Variants in NRXN3 observed in about 807,000 individuals in gnomAD.
NRXN3 encodes neurexin 3.
Under a neutral mutation model 137.6 loss-of-function variants are expected in NRXN3, and 32 were observed. The observed-to-expected ratio is 0.23, with a 90% CI of 0.18 to 0.31. The LOEUF (loss-of-function observed/expected upper bound fraction) is 0.31. NRXN3 is among the 10% of genes least tolerant of loss of function. NRXN3 has a pLI of 1.00. For missense variants in NRXN3, 1,574 were observed against 2,062.5 expected, an observed-to-expected ratio of 0.76 and a Z score of 4.59; for synonymous variants, 798 against 784.5, an observed-to-expected ratio of 1.02 and a Z score of -0.29.
chr14:79,047,428 T>C (rs1035887775), intron 15 of NRXN3, among the ~76,000 whole-genome samples: 1 of 152,066 alleles, frequency 6.6e-6, no homozygotes, highest in Non-Finnish European at 1.5e-5. Context: ...AAAGAAAGTA[T>C]CAATAGATTC....
intron 4 of NRXN3, among the ~76,000 whole-genome samples, chr14:78,427,211 T>C (rs929641909): frequency 1.8e-4 from 27 of 152,230 alleles, no homozygotes; most frequent in African/African-American, 5.8e-4. Context: ...TTCAGTTATC[T>C]CACTTTCTTT....
At chr14:78,498,569 T>C (rs1313940648) in intron 4 of NRXN3, among the ~76,000 whole-genome samples, 1 of 152,112 alleles carries the variant, frequency 6.6e-6, no homozygotes, top group Non-Finnish European at 1.5e-5. Flanking sequence ...GGATAATAAA[T>C]GTTTGGCTTA....
At chr14:79,155,040 T>C (rs560654803) in intron 15 of NRXN3, among the ~76,000 whole-genome samples, 5 of 151,932 alleles carry the variant, frequency 3.3e-5, no homozygotes, top group African/African-American at 9.6e-5. Context: ...ACTCAAGAGG[T>C]TGTGGCATCC....
At chr14:78,556,737 C>T (rs978910511) in intron 4 of NRXN3, among the ~76,000 whole-genome samples, 2 of 152,116 alleles carry the variant, frequency 1.3e-5, no homozygotes, top group Non-Finnish European at 2.9e-5. Context: ...CTTTAAGCTC[C>T]ACTGAATTAA....
chr14:79,473,894 G>A (rs1188821566), intron 16 of NRXN3, among the ~76,000 whole-genome samples: 1 of 148,804 alleles, frequency 6.7e-6, no homozygotes, highest in African/African-American at 2.5e-5. Flanking sequence ...GGAGAAGAAG[G>A]TGGGAGAAGG....
chr14:79,457,350 C>A (rs1203802478), intron 15 of NRXN3, among the ~76,000 whole-genome samples: 1 of 152,144 alleles, frequency 6.6e-6, no homozygotes, highest in South Asian at 2.1e-4. Flanking sequence ...AATGGCAATA[C>A]TAAACTATTT....
In NRXN3 at chr14:79,604,143, G is replaced by A. The variant is rs149497568; in HGVS notation, c.3445-59635G>A. Among the ~76,000 whole-genome samples, 2,383 of 150,996 alleles carry A rather than the reference G, an allele frequency of 0.016. 174 individuals are homozygous for A. In the East Asian group the frequency reaches 0.25, roughly 16 times the overall value. On this transcript the variant is annotated intron_variant, in intron 16 of 20. Transcript: ENST00000335750. Reference sequence around the variant, plus strand: ...CCTGACTTCATGATCTGCCCGCCTCGGCCTCCCAAGGTGCTGGGATTACAA... The same window carrying A: ...CCTGACTTCATGATCTGCCCGCCTCAGCCTCCCAAGGTGCTGGGATTACAA...
intron 16 of NRXN3, among the ~76,000 whole-genome samples, chr14:79,518,430 T>C (rs1362268634): frequency 6.6e-6 from 1 of 152,140 alleles, no homozygotes; most frequent in Admixed American, 6.6e-5. Context: ...TCTCATATTT[T>C]GTTAGGTTTA....
chr14:79,389,317 A>T (rs1284789072), intron 15 of NRXN3, among the ~76,000 whole-genome samples: 1 of 152,196 alleles, frequency 6.6e-6, no homozygotes, highest in Non-Finnish European at 1.5e-5. Context: ...TGAAAGGTGG[A>T]AAACAAGAGA....
At chr14:79,301,865 C>T (rs1445469673) in intron 15 of NRXN3, among the ~76,000 whole-genome samples, 1 of 151,800 alleles carries the variant, frequency 6.6e-6, no homozygotes, top group Non-Finnish European at 1.5e-5. Context: ...AATAGGGAAA[C>T]TGAGATGTAT....
At position 79,210,056 on chromosome 14, in the gene NRXN3, T is replaced by C. The variant is rs546990575; in HGVS notation, c.3262+221915T>C. 7.9e-4 allele frequency among the ~76,000 whole-genome samples: 121 copies of C among 152,308 alleles called. 1 individual carries two copies. Among genetic ancestry groups the C allele is most frequent in the African/African-American group, 2.8e-3 (116 of 41,588 alleles). ...CCCTGTGAGTTGCTATTTAATGGTGTTGGACAGTTACAGATAAGTTTGGTA... is the reference window on the plus strand; with the variant it reads ...CCCTGTGAGTTGCTATTTAATGGTGCTGGACAGTTACAGATAAGTTTGGTA... On this transcript the variant is annotated intron_variant, in intron 15 of 20. Transcript: ENST00000335750.
chr14:79,531,981 G>C (rs1477553309), intron 16 of NRXN3, among the ~76,000 whole-genome samples: 2 of 152,144 alleles, frequency 1.3e-5, no homozygotes, highest in African/African-American at 4.8e-5. Flanking sequence ...CACCTTTATT[G>C]CTGTTAGATT....
intron 15 of NRXN3, among the ~76,000 whole-genome samples, chr14:79,412,791 A>AAAAAG (rs963549596): frequency 6.6e-6 from 1 of 150,432 alleles, no homozygotes; most frequent in African/African-American, 2.4e-5. Flanking sequence ...TCAAAAAAAA[A>AAAAAG]AAAAAAAAAA....
intron 10 of NRXN3, among the ~76,000 whole-genome samples, chr14:78,934,617 C>A (rs904866013): frequency 4.6e-5 from 7 of 152,028 alleles, no homozygotes; most frequent in African/African-American, 1.7e-4. Flanking sequence ...CCAAGGGCAC[C>A]ATTTAAGAAG....
At chr14:79,337,032 C>T (rs1313455798) in intron 15 of NRXN3, among the ~76,000 whole-genome samples, 1 of 152,160 alleles carries the variant, frequency 6.6e-6, no homozygotes, top group Non-Finnish European at 1.5e-5. Flanking sequence ...TCACCTATTT[C>T]TTGAAAAATG....
At chr14:79,708,644 C>G (rs2098790899) in intron 19 of NRXN3, among the ~76,000 whole-genome samples, 1 of 152,094 alleles carries the variant, frequency 6.6e-6, no homozygotes, top group Admixed American at 6.6e-5. Context: ...GATGTGGTTT[C>G]ATACCTTTCT....
chr14:79,757,476 A>AT (rs1176632802), intron 19 of NRXN3, among the ~76,000 whole-genome samples: 1 of 152,160 alleles, frequency 6.6e-6, no homozygotes, highest in Non-Finnish European at 1.5e-5. Context: ...TGGTGATATT[A>AT]TATCTGGTGA....
At chr14:78,924,510 C>A (rs1298478943) in intron 10 of NRXN3, among the ~76,000 whole-genome samples, 2 of 152,258 alleles carry the variant, frequency 1.3e-5, no homozygotes, top group African/African-American at 4.8e-5. Context: ...ATTTAACCCC[C>A]ACTCTTCCAG....
At chr14:78,385,056 C>T (rs1040153245) in intron 4 of NRXN3, among the ~76,000 whole-genome samples, 3 of 152,102 alleles carry the variant, frequency 2.0e-5, no homozygotes, top group African/African-American at 7.2e-5. Flanking sequence ...CATATGCAAA[C>T]TGGCCAGAAA....
Sources: allele counts gnomAD v4.1 joint callset (sites outside exome capture counted in the v4.1 genomes callset), GRCh38; gene constraint gnomAD v4.1.1; transcripts MANE v1.5; gene names NCBI Gene and HGNC (gene_info 2026-07-23, HGNC 2026-07-21).